KIRREL1: variants seen among roughly 807,000 people sequenced by gnomAD.
KIRREL1 encodes the protein kin of IRRE-like protein 1.
A neutral mutation model predicts 83.3 loss-of-function variants in KIRREL1; 25 were observed. That is an observed-to-expected ratio of 0.30 (90% CI 0.22 to 0.42). The LOEUF is 0.42. KIRREL1 is among the 10% of genes least tolerant of loss of function. The probability of loss-of-function intolerance (pLI) is 1.00; values close to 1 mark genes in which losing one functional copy is unlikely to be tolerated. For missense variants in KIRREL1, 812 were observed against 1,032.3 expected (o/e 0.79, Z 2.92); for synonymous variants, 388 against 410.4 (o/e 0.95, Z 0.66).
intron 1 of KIRREL1, among the ~76,000 whole-genome samples, chr1:158,055,189 C>T (rs1397886385): frequency 6.6e-6 from 1 of 151,952 alleles, no homozygotes; most frequent in Non-Finnish European, 1.5e-5. Flanking sequence ...TTATTCTTGG[C>T]CCACCTGAAG....
chr1:158,080,410 A>T (rs968997397), intron 3 of KIRREL1, among the ~76,000 whole-genome samples: 1 of 152,118 alleles, frequency 6.6e-6, no homozygotes, highest in Non-Finnish European at 1.5e-5. Flanking sequence ...ATCAAGGGGA[A>T]CCCTAGATGG....
Position 158,029,336 on chromosome 1 carries a change from C to A in KIRREL1, c.52+35608C>A, listed in dbSNP as rs905257053. On this transcript the variant is annotated intron_variant, in intron 1 of 14. Coordinates refer to ENST00000359209, the MANE Select transcript of KIRREL1 (RefSeq NM_018240.7). ...TCTCTCCCTATTGCTGTAACAAAAA[C>A]CTGTGTGTGTGTGTGTGTGTGTGTG... 1.2e-3 allele frequency among the ~76,000 whole-genome samples: 24 copies of A among 19,654 alleles called. 1 individual carries two copies. The allele number at this position is 19,654 out of a possible 152,430, so 12.9% of individuals were successfully genotyped here.
chr1:158,055,250 C>T (rs1231681612), intron 1 of KIRREL1, among the ~76,000 whole-genome samples: 1 of 152,042 alleles, frequency 6.6e-6, no homozygotes, highest in Non-Finnish European at 1.5e-5. Context: ...GGCGGCCTCC[C>T]CAGAGCTCCT....
At chr1:157,997,862 T>C (rs1240041739) in intron 1 of KIRREL1, among the ~76,000 whole-genome samples, 2 of 152,208 alleles carry the variant, frequency 1.3e-5, no homozygotes, top group Admixed American at 6.5e-5. Context: ...TATCCCCATT[T>C]CATGGATGAG....
intron 1 of KIRREL1, among the ~76,000 whole-genome samples, chr1:158,011,333 T>C (rs1358224328): frequency 6.6e-6 from 1 of 152,214 alleles, no homozygotes; most frequent in South Asian, 2.1e-4. Flanking sequence ...TTCATAATTA[T>C]GCCTTGGTCC....
chr1:158,034,729 T>C (rs564113931), intron 1 of KIRREL1, among the ~76,000 whole-genome samples: 2 of 152,296 alleles, frequency 1.3e-5, no homozygotes, highest in Non-Finnish European at 2.9e-5. Context: ...TCTTGCTAAT[T>C]CCATCTTAGC....
At chr1:158,065,963 T>G (rs530941758) in intron 1 of KIRREL1, among the ~76,000 whole-genome samples, 59 of 152,310 alleles carry the variant, frequency 3.9e-4, no homozygotes, top group African/African-American at 1.4e-3. Context: ...CACTTCTCAT[T>G]TTTTATCAAA....
At chr1:158,075,942 A>T (rs1330189262) in intron 1 of KIRREL1, among the ~76,000 whole-genome samples, 171 bp from the exon 2 acceptor site, 1 of 152,208 alleles carries the variant, frequency 6.6e-6, no homozygotes, top group East Asian at 1.9e-4. Flanking sequence ...AATAAAGGGT[A>T]AGGACGTGGC....
chr1:158,064,606 T>C (rs1300598827), intron 1 of KIRREL1, among the ~76,000 whole-genome samples: 1 of 152,242 alleles, frequency 6.6e-6, no homozygotes, highest in Non-Finnish European at 1.5e-5. Flanking sequence ...GGGAAGCCTC[T>C]GCTATGTGCT....
intron 1 of KIRREL1, among the ~76,000 whole-genome samples, chr1:157,999,849 T>C (rs1309077557): frequency 6.6e-6 from 1 of 152,162 alleles, no homozygotes; most frequent in Non-Finnish European, 1.5e-5. Context: ...ATGGGCTCTC[T>C]CAGAGTGGGG....
At chr1:158,001,807 G>A (rs561972813) in intron 1 of KIRREL1, among the ~76,000 whole-genome samples, 5 of 152,252 alleles carry the variant, frequency 3.3e-5, no homozygotes, top group African/African-American at 9.6e-5. Context: ...GGCAGAATGG[G>A]GACAGACCAG....
intron 5 of KIRREL1, among the ~76,000 whole-genome samples, chr1:158,086,986 GT>G (rs939196749): frequency 1.3e-5 from 2 of 152,096 alleles, no homozygotes; most frequent in African/African-American, 4.8e-5. Flanking sequence ...TTAGTCAATG[GT>G]TTACACTCTC....
intron 1 of KIRREL1, among the ~76,000 whole-genome samples, chr1:158,029,321 T>C (rs930750182): frequency 3.1e-5 from 3 of 98,330 alleles, no homozygotes; most frequent in Non-Finnish European, 4.7e-5. Flanking sequence ...TCTCTCCCTA[T>C]TGCTGTAACA....
chr1:158,036,881 G>C (rs1269048725), intron 1 of KIRREL1, among the ~76,000 whole-genome samples: 1 of 152,170 alleles, frequency 6.6e-6, no homozygotes, highest in African/African-American at 2.4e-5. Context: ...CGTTAGACAG[G>C]AGTGAGGACG....
At chr1:158,038,676 ATTC>A (rs574997910) in intron 1 of KIRREL1, among the ~76,000 whole-genome samples, 2 of 152,068 alleles carry the variant, frequency 1.3e-5, no homozygotes, top group Non-Finnish European at 2.9e-5. Flanking sequence ...AGGAGTGATT[ATTC>A]TTAGCCCTGG....
intron 1 of KIRREL1, among the ~76,000 whole-genome samples, chr1:158,066,583 G>A (rs17420502): frequency 0.22 from 33,796 of 152,068 alleles, 4,093 homozygotes; most frequent in Non-Finnish European, 0.27. Context: ...GTGGACCCTG[G>A]GAATTGCTGG....
intron 1 of KIRREL1, among the ~76,000 whole-genome samples, chr1:158,036,962 G>A (rs980236671): frequency 3.3e-5 from 5 of 152,172 alleles, no homozygotes; most frequent in African/African-American, 9.7e-5. Flanking sequence ...TGAACCACCC[G>A]GAGTCTTGGA....
At chr1:158,020,241 T>C (rs191124372) in intron 1 of KIRREL1, among the ~76,000 whole-genome samples, 33 of 152,102 alleles carry the variant, frequency 2.2e-4, no homozygotes, top group Non-Finnish European at 4.0e-4. Context: ...AGCCCATACA[T>C]TTTCTCACCT....
At chr1:158,079,682 T>C (rs1661787478) in intron 3 of KIRREL1, among the ~76,000 whole-genome samples, 1 of 152,214 alleles carries the variant, frequency 6.6e-6, no homozygotes, top group South Asian at 2.1e-4. Context: ...CCTCAGAGCA[T>C]AGTGGAAAGA....
Sources: allele counts gnomAD v4.1 joint callset (sites outside exome capture counted in the v4.1 genomes callset), GRCh38; gene constraint gnomAD v4.1.1; transcripts MANE v1.5; gene names NCBI Gene and HGNC (gene_info 2026-07-23, HGNC 2026-07-21).